The following S100PBP variants were observed in gnomAD, a reference collection of about 807,000 sequenced individuals.
The protein encoded by S100PBP is S100P binding protein, also known as S100P-binding protein.
A neutral mutation model predicts 39.9 loss-of-function variants in S100PBP; 15 were observed. The observed-to-expected ratio is 0.38, with a 90% CI of 0.25 to 0.58. The LOEUF (loss-of-function observed/expected upper bound fraction) is 0.58. S100PBP is among the 20% of genes least tolerant of loss of function. The pLI, the probability that S100PBP is intolerant of heterozygous loss-of-function variation, is 0.70. For synonymous variants in S100PBP, 178 were observed against 180.3 expected (o/e 0.99, Z 0.10); for missense variants, 504 against 487.3 (o/e 1.03, Z -0.32).
chr1:32,841,818 T>G (rs1293946268), intron 5 of S100PBP, among the ~76,000 whole-genome samples: 2 of 151,804 alleles, frequency 1.3e-5, no homozygotes, highest in African/African-American at 4.8e-5. Flanking sequence ...CCACAAAAAT[T>G]TTCTCCTATG....
Position 32,855,967 on chromosome 1 carries a change from A to T in S100PBP, c.1156A>T (p.Thr386Ser), listed in dbSNP as rs1452982022. ...GAAACATCTGCAAAGATACAGTCTG[A>T]CTCAGTGGGTTGACAGGAACATGCG... ...RQKHLQRYSL[T>S]QWVDRNMRSH... is the part of the protein sequence containing the mutation. The change falls in exon 7 of 7, where the codon ACT (threonine) becomes TCT (serine). Residue 386 changes from threonine (T) to serine (S), a missense_variant. Transcript: ENST00000373475. 2 of 1,613,562 alleles carry T rather than the reference A, an allele frequency of 1.2e-6. No individual in the cohort carries two copies. The highest frequency in any genetic ancestry group is 2.2e-5 in the East Asian group (1 of 44,866).
chr1:32,843,672 C>T (rs959999762), intron 5 of S100PBP, among the ~76,000 whole-genome samples: 2 of 151,914 alleles, frequency 1.3e-5, no homozygotes, highest in South Asian at 2.1e-4. Context: ...AGGCTGGTCT[C>T]GAACTCCCGA....
At chr1:32,833,431 G>A (rs548564485) in intron 5 of S100PBP, among the ~76,000 whole-genome samples, 3 of 149,816 alleles carry the variant, frequency 2.0e-5, no homozygotes, top group Admixed American at 6.7e-5. Flanking sequence ...GCGCGATCTC[G>A]GCTCACTGCA....
chr1:32,855,079 A>G (rs1466120815), intron 6 of S100PBP, among the ~76,000 whole-genome samples: 1 of 152,172 alleles, frequency 6.6e-6, no homozygotes, highest in Admixed American at 6.5e-5. Context: ...GCATATAGGG[A>G]TAGATAAATG....
intron 1 of S100PBP, among the ~76,000 whole-genome samples, chr1:32,823,791 C>A (rs1639191348): frequency 6.6e-6 from 1 of 152,084 alleles, no homozygotes; most frequent in African/African-American, 2.4e-5. Flanking sequence ...TTATACATTA[C>A]GTATTATACA....
chr1:32,829,898 C>T, intron 4 of S100PBP, 66 bp from the exon 5 acceptor site: 3 of 1,121,440 alleles, frequency 2.7e-6, no homozygotes, highest in Admixed American at 1.8e-5. Flanking sequence ...TCACTTCTCT[C>T]TACAAAACGC....
intron 6 of S100PBP, among the ~76,000 whole-genome samples, chr1:32,854,335 A>C (rs1459085134): frequency 1.3e-5 from 2 of 152,232 alleles, no homozygotes; most frequent in African/African-American, 2.4e-5. Context: ...TCTCTAGATT[A>C]CTTATGATAA....
chr1:32,839,219 G>A (rs1321385078), intron 5 of S100PBP, among the ~76,000 whole-genome samples: 1 of 152,184 alleles, frequency 6.6e-6, no homozygotes, highest in African/African-American at 2.4e-5. Context: ...CACATAAGTG[G>A]AGTCAGACAA....
chr1:32,840,673 A>G (rs957437195), intron 5 of S100PBP, among the ~76,000 whole-genome samples: 3 of 152,100 alleles, frequency 2.0e-5, no homozygotes, highest in Non-Finnish European at 2.9e-5. Flanking sequence ...CTATTTTTCA[A>G]TGGGAGTCAT....
intron 5 of S100PBP, among the ~76,000 whole-genome samples, chr1:32,838,245 A>C (rs968812217): frequency 1.3e-5 from 2 of 151,410 alleles, no homozygotes; most frequent in Non-Finnish European, 2.9e-5. Context: ...GAGGCAGGAG[A>C]ATGGCATGAA....
At chr1:32,847,533 C>T (rs1010851769) in intron 5 of S100PBP, 3 of 152,134 alleles carry the variant, frequency 2.0e-5, no homozygotes, top group African/African-American at 7.2e-5. Context: ...TCATAAACAG[C>T]AATGGTTATA....
intron 5 of S100PBP, among the ~76,000 whole-genome samples, chr1:32,834,382 TG>T (rs1376084682): frequency 3.7e-4 from 57 of 152,342 alleles, no homozygotes; most frequent in African/African-American, 1.3e-3. Flanking sequence ...TTAGGTCACT[TG>T]TTTTATAGAT....
At chr1:32,833,552 C>T (rs1190617031) in intron 5 of S100PBP, among the ~76,000 whole-genome samples, 1 of 151,762 alleles carries the variant, frequency 6.6e-6, no homozygotes, top group East Asian at 1.9e-4. Flanking sequence ...AGTAGAGACA[C>T]GGTTTCACCA....
chr1:32,839,637 A>T (rs1639996924), intron 5 of S100PBP, among the ~76,000 whole-genome samples: 1 of 152,010 alleles, frequency 6.6e-6, no homozygotes, highest in Admixed American at 6.6e-5. Context: ...AGTCTCCTGA[A>T]TAAGGTTAAA....
chr1:32,826,516 A>G lies in S100PBP; in HGVS notation c.417A>G (p.Leu139=). The change falls in exon 3 of 7, where the codon CTA becomes CTG. Residue 139 remains leucine, a synonymous_variant. Coordinates refer to ENST00000373475, the MANE Select transcript of S100PBP (RefSeq NM_022753.4). ...HTKPLNRRSV[L]EKNLIKVTVA... Reference sequence around the variant, plus strand: ...AACCATTAAACAGACGCTCTGTACTAGAAAAGAATCTTATAAAAGTAACTG... The same window carrying G: ...AACCATTAAACAGACGCTCTGTACTGGAAAAGAATCTTATAAAAGTAACTG... 1 of 1,614,128 alleles carries G rather than the reference A, an allele frequency of 6.2e-7. No homozygotes were observed. The highest frequency in any genetic ancestry group is 8.5e-7 in the Non-Finnish European group (1 of 1,180,030).
At chr1:32,846,104 C>G (rs1328368211) in intron 5 of S100PBP, among the ~76,000 whole-genome samples, 1 of 152,022 alleles carries the variant, frequency 6.6e-6, no homozygotes, top group Non-Finnish European at 1.5e-5. Context: ...ATTCTCCTGC[C>G]TCAGCCTCCT....
intron 2 of S100PBP, among the ~76,000 whole-genome samples, chr1:32,825,688 AT>A (rs1639290446): frequency 1.3e-5 from 2 of 152,190 alleles, no homozygotes; most frequent in Non-Finnish European, 2.9e-5. Context: ...GGTAATAGAC[AT>A]TTAGGTTGCC....
rs899615095 is a variant in S100PBP at position 32,857,560 on chromosome 1, C to T, written c.*1522C>T. ...TCCTGACCTCAGGTGATCTGCCCAC[C>T]TCGGCCTCCTAAAGTGCTGGGATTA... On this transcript the variant is annotated 3_prime_UTR_variant, in exon 7 of 7. Transcript: ENST00000373475. The T allele has an allele frequency of 1.3e-5, 2 of 152,264 alleles. No homozygotes were observed. The highest frequency in any genetic ancestry group is 4.8e-5 in the African/African-American group (2 of 41,438). 9.4% of individuals were successfully genotyped at this position (152,264 alleles called of 1,614,324 possible). A position where few individuals can be genotyped will look rare whatever the true frequency, so the allele number is the denominator to read the frequency against.
chr1:32,828,979 G>A (rs1202027469), intron 4 of S100PBP, among the ~76,000 whole-genome samples: 2 of 152,184 alleles, frequency 1.3e-5, no homozygotes, highest in African/African-American at 4.8e-5. Context: ...ACCAGCCTGG[G>A]AGACTGACCT....
Sources: gnomAD v4.1 joint callset for allele counts (sites outside exome capture counted in the v4.1 genomes callset) on GRCh38, gnomAD v4.1.1 for gene constraint, MANE v1.5 for transcripts, NCBI Gene and HGNC (gene_info 2026-07-23, HGNC 2026-07-21) for gene names.